The following OMA1 variants were observed in gnomAD, a reference collection of about 807,000 sequenced individuals.
The protein encoded by OMA1 is OMA1 zinc metallopeptidase, also known as metalloendopeptidase OMA1, mitochondrial.
A neutral mutation model predicts 30.9 loss-of-function variants in OMA1; 38 were observed. That is an observed-to-expected ratio of 1.23 (90% CI 0.95 to 1.61). The LOEUF is 1.61. Among genes scored for constraint, OMA1 ranks in the 40% most tolerant of loss-of-function variants. The pLI is 0.00. For missense variants in OMA1, 461 were observed against 349.2 expected (o/e 1.32, Z -2.55); for synonymous variants, 173 against 121.9 (o/e 1.42, Z -2.76).
chr1:58,541,893 A>G (rs900545572), intron 1 of OMA1, among the ~76,000 whole-genome samples: 1 of 152,200 alleles, frequency 6.6e-6, no homozygotes, highest in Non-Finnish European at 1.5e-5. Flanking sequence ...TCTCAGTGAT[A>G]GTTACATATG....
chr1:58,527,829 C>T (rs1248036701), intron 6 of OMA1, among the ~76,000 whole-genome samples: 1 of 152,082 alleles, frequency 6.6e-6, no homozygotes, highest in Non-Finnish European at 1.5e-5. Flanking sequence ...TTTCCTTTTT[C>T]TTTTCTAAGT....
chr1:58,535,362 G>A (rs1264712262), intron 3 of OMA1, among the ~76,000 whole-genome samples: 3 of 152,076 alleles, frequency 2.0e-5, no homozygotes, highest in Non-Finnish European at 4.4e-5. Context: ...CAGCACTTTA[G>A]GAGGTGGGCA....
chr1:58,502,387 C>G (rs1003440688), intron 8 of OMA1, among the ~76,000 whole-genome samples: 2 of 152,136 alleles, frequency 1.3e-5, no homozygotes, highest in Non-Finnish European at 2.9e-5. Context: ...TAATCACTTC[C>G]TACGTGAACT....
chr1:58,483,751 G>C (rs1645528052), intron 8 of OMA1, among the ~76,000 whole-genome samples: 1 of 152,326 alleles, frequency 6.6e-6, no homozygotes, highest in African/African-American at 2.4e-5. Flanking sequence ...TGAGATGCTA[G>C]CAAGATTTGC....
At chr1:58,520,899 G>A (rs1002583200) in intron 7 of OMA1, among the ~76,000 whole-genome samples, 8 of 151,586 alleles carry the variant, frequency 5.3e-5, no homozygotes, top group Admixed American at 5.3e-4. Flanking sequence ...ACAAAAAAAA[G>A]GAAAAAAAAT....
At chr1:58,526,108 A>G (rs1479520263) in intron 7 of OMA1, among the ~76,000 whole-genome samples, 1 of 152,128 alleles carries the variant, frequency 6.6e-6, no homozygotes, top group Non-Finnish European at 1.5e-5. Context: ...AGATTTCCTA[A>G]CCAGAACACA....
chr1:58,495,611 G>C (rs1318109880), intron 8 of OMA1, among the ~76,000 whole-genome samples: 1 of 151,648 alleles, frequency 6.6e-6, no homozygotes, highest in Admixed American at 6.6e-5. Flanking sequence ...ATTCCTGATT[G>C]TCAGTAGATT....
At chr1:58,506,242 G>C in intron 7 of OMA1, 33 bp from the exon 8 acceptor site, 1 of 837,436 alleles carries the variant, frequency 1.2e-6, no homozygotes, top group East Asian at 2.4e-5. Context: ...CACACAATGA[G>C]CTCAGTTTTG....
intron 1 of OMA1, among the ~76,000 whole-genome samples, chr1:58,540,583 G>GT (rs943050486): frequency 6.7e-6 from 1 of 149,896 alleles, no homozygotes; most frequent in African/African-American, 2.5e-5. Flanking sequence ...CAAGAAAACT[G>GT]TAAGAACTAA....
At chr1:58,508,493 G>T (rs1197395595) in intron 7 of OMA1, among the ~76,000 whole-genome samples, 3 of 152,150 alleles carry the variant, frequency 2.0e-5, no homozygotes, top group Admixed American at 6.5e-5. Context: ...AAACCTGGTA[G>T]AAGACTGGAG....
chr1:58,528,022 G>C (rs867652686), intron 6 of OMA1, among the ~76,000 whole-genome samples: 1 of 152,232 alleles, frequency 6.6e-6, no homozygotes, highest in East Asian at 1.9e-4. Flanking sequence ...TGAGAAAAGA[G>C]CTATTAATTG....
intron 7 of OMA1, 32 bp from the exon 8 acceptor site, chr1:58,506,241 A>C (rs745740511): frequency 1.2e-6 from 1 of 842,654 alleles, no homozygotes. Flanking sequence ...CCACACAATG[A>C]GCTCAGTTTT....
At chr1:58,531,954 A>C (rs1847350) in intron 5 of OMA1, among the ~76,000 whole-genome samples, 4 of 151,626 alleles carry the variant, frequency 2.6e-5, no homozygotes, top group Non-Finnish European at 2.9e-5. Flanking sequence ...TGATCCACCC[A>C]CCTCAGCCTC....
intron 8 of OMA1, among the ~76,000 whole-genome samples, chr1:58,482,774 A>G (rs572294043): frequency 1.3e-5 from 2 of 152,280 alleles, no homozygotes; most frequent in South Asian, 2.1e-4. Context: ...TGCGAGTACA[A>G]GGGAGATGGG....
chr1:58,513,277 CCA>C, intron 7 of OMA1, among the ~76,000 whole-genome samples: 1 of 152,298 alleles, frequency 6.6e-6, no homozygotes, highest in South Asian at 2.1e-4. Context: ...GCTTCCCCTT[CCA>C]CCATGATTAT....
chr1:58,490,802 T>TC (rs1645670387), intron 8 of OMA1, among the ~76,000 whole-genome samples: 2 of 117,052 alleles, frequency 1.7e-5, no homozygotes, highest in Admixed American at 1.7e-4. Context: ...ATTCTTTTTT[T>TC]TTTTTTTTTT....
chr1:58,496,169 C>CT lies in OMA1; in HGVS notation c.1365+9890dup, dbSNP rs375006213. On this transcript the variant is annotated intron_variant, in intron 8 of 8. Coordinates refer to ENST00000371226, the MANE Select transcript of OMA1 (RefSeq NM_145243.5). ...TTCAATATTCTTTCATTTTTTTAGACTTTTTTTTTTTGGCTTTGGGCATTT... is the reference window on the plus strand; with the variant it reads ...TTCAATATTCTTTCATTTTTTTAGACTTTTTTTTTTTTGGCTTTGGGCATTT... Among the ~76,000 whole-genome samples, 103 of 144,900 alleles carry CT rather than the reference C, an allele frequency of 7.1e-4. No individual in the cohort carries two copies. In the South Asian group the frequency reaches 0.017, roughly 24 times the overall value.
At chr1:58,492,158 A>G (rs1168132834) in intron 8 of OMA1, among the ~76,000 whole-genome samples, 1 of 152,334 alleles carries the variant, frequency 6.6e-6, no homozygotes, top group African/African-American at 2.4e-5. Flanking sequence ...ATGCTCCTGA[A>G]TGACTACTGG....
At chr1:58,530,538 C>G (rs1394939171) in intron 6 of OMA1, 63 bp downstream of exon 6, 6 of 789,318 alleles carry the variant, frequency 7.6e-6, no homozygotes, top group Admixed American at 4.1e-5. Context: ...TGCTGCTTTA[C>G]AGTAGTATTA....
Sources: gnomAD v4.1 joint callset for allele counts (sites outside exome capture counted in the v4.1 genomes callset) on GRCh38, gnomAD v4.1.1 for gene constraint, MANE v1.5 for transcripts, NCBI Gene and HGNC (gene_info 2026-07-23, HGNC 2026-07-21) for gene names.